The following ZNF143 variants were observed in gnomAD, a reference collection of about 807,000 sequenced individuals.
ZNF143 encodes zinc finger protein 143, also known as SPH-binding factor.
A neutral mutation model predicts 74.1 loss-of-function variants in ZNF143; 49 were observed. That is an observed-to-expected ratio of 0.66 (90% CI 0.53 to 0.84). The LOEUF is 0.84. ZNF143 is among the 40% of genes least tolerant of loss of function. The probability of loss-of-function intolerance (pLI) is 0.00; values close to 1 mark genes in which losing one functional copy is unlikely to be tolerated. For synonymous variants in ZNF143, 304 were observed against 282.8 expected (o/e 1.07, Z -0.75); for missense variants, 637 against 793.4 (o/e 0.80, Z 2.37).
In ZNF143 at chr11:9,496,297, T is replaced by C. The variant is rs377415816; in HGVS notation, c.766-6T>C. On this transcript the variant is annotated splice_region_variant and splice_polypyrimidine_tract_variant and intron_variant, in intron 8 of 15. Transcript: ENST00000396602. Reference sequence around the variant, plus strand: ...AAATAGAATCATGCCTGCATTTTAATCACAGGTCCATGAGAGGTCACACAC... The same window carrying C: ...AAATAGAATCATGCCTGCATTTTAACCACAGGTCCATGAGAGGTCACACAC... 76 of 1,613,842 alleles carry C rather than the reference T, an allele frequency of 4.7e-5. No homozygotes were observed. Among genetic ancestry groups the C allele is most frequent in the Non-Finnish European group, 6.1e-5 (72 of 1,179,840 alleles).
chr11:9,512,304 G>A, intron 12 of ZNF143, 144 bp from the exon 13 acceptor site: 1 of 964,748 alleles, frequency 1.0e-6, no homozygotes, highest in Non-Finnish European at 1.5e-6. Flanking sequence ...GAATTGGAAG[G>A]AGGTCCTGGA....
At chr11:9,490,822 T>G (rs1847744902) in intron 7 of ZNF143, among the ~76,000 whole-genome samples, 1 of 152,166 alleles carries the variant, frequency 6.6e-6, no homozygotes, top group African/African-American at 2.4e-5. Flanking sequence ...AGCCTTGACC[T>G]CCCAGGCTCA....
intron 7 of ZNF143, among the ~76,000 whole-genome samples, chr11:9,493,798 T>C (rs1344300535): frequency 6.6e-6 from 1 of 152,216 alleles, no homozygotes. Context: ...TAATTTCTAT[T>C]TTAAAAAGCC....
chr11:9,521,170 T>C (rs976151065), intron 14 of ZNF143, among the ~76,000 whole-genome samples: 3 of 152,150 alleles, frequency 2.0e-5, no homozygotes, highest in African/African-American at 7.2e-5. Context: ...GAGTCCATCA[T>C]TTACATCAGG....
chr11:9,472,375 C>A (rs1162692402), intron 2 of ZNF143, among the ~76,000 whole-genome samples: 4 of 152,172 alleles, frequency 2.6e-5, no homozygotes, highest in Non-Finnish European at 5.9e-5. Flanking sequence ...GCCTCAGCCT[C>A]CCAAGTAGCT....
chr11:9,525,299 C>G lies in ZNF143; in HGVS notation c.1746C>G (p.His582Gln). 6.2e-7 allele frequency: 1 copy of G among 1,614,186 alleles called. No individual in the cohort carries two copies. Among genetic ancestry groups the G allele is most frequent in the Non-Finnish European group, 8.5e-7 (1 of 1,180,034 alleles). Reference protein sequence around the residue: ...AFHTASSEMGHQQHSHHLVTT... With the variant: ...AFHTASSEMGQQQHSHHLVTT... ...ATACTGCCTCATCAGAAATGGGGCA[C>G]CAGCAGCATAGCCATCACTTAGTAA... The change falls in exon 15 of 16, where the codon CAC (histidine) becomes CAG (glutamine). Residue 582 changes from histidine to glutamine, a missense_variant. His to Gln is a conservative substitution (Grantham distance 24, BLOSUM62 0). Transcript: ENST00000396602.
chr11:9,502,899 C>T (rs939794389), intron 11 of ZNF143, among the ~76,000 whole-genome samples: 4 of 152,168 alleles, frequency 2.6e-5, no homozygotes, highest in East Asian at 1.9e-4. Flanking sequence ...GGCGCAATCT[C>T]GGCTCACTGC....
chr11:9,502,241 C>CTTT (rs1183629630), intron 11 of ZNF143, among the ~76,000 whole-genome samples: 818 of 56,930 alleles, frequency 0.014, 24 homozygotes, highest in Non-Finnish European at 0.016. Flanking sequence ...TGGCCATATT[C>CTTT]TTTTTTTTTT....
chr11:9,513,380 C>T (rs1047746100), intron 13 of ZNF143, among the ~76,000 whole-genome samples: 1 of 152,246 alleles, frequency 6.6e-6, no homozygotes, highest in African/African-American at 2.4e-5. Flanking sequence ...ACTAATTTCA[C>T]ACTATACTCT....
chr11:9,505,237 G>C lies in ZNF143; in HGVS notation c.1148-3382G>C, dbSNP rs1435262022. Reference sequence around the variant, plus strand: ...TCCACCCACCTTGGCCTCCCAAAGTGCTAGGATTACAGGCGTGAGCCACCA... The same window carrying C: ...TCCACCCACCTTGGCCTCCCAAAGTCCTAGGATTACAGGCGTGAGCCACCA... On this transcript the variant is annotated intron_variant, in intron 11 of 15. Transcript: ENST00000396602. 2.9e-5 allele frequency among the ~76,000 whole-genome samples: 4 copies of C among 136,698 alleles called. 1 individual carries two copies. The highest frequency in any genetic ancestry group is 1.0e-4 in the African/African-American group (4 of 39,904). The allele number at this position is 136,698 out of a possible 152,430, so 89.7% of individuals were successfully genotyped here.
chr11:9,489,878 A>G (rs1436992302), intron 7 of ZNF143, among the ~76,000 whole-genome samples: 1 of 152,202 alleles, frequency 6.6e-6, no homozygotes, highest in Admixed American at 6.6e-5. Flanking sequence ...CTACACTTGT[A>G]TATGTATTTA....
chr11:9,482,364 G>A (rs961479572), intron 7 of ZNF143, among the ~76,000 whole-genome samples: 4 of 149,592 alleles, frequency 2.7e-5, no homozygotes, highest in South Asian at 2.1e-4. Context: ...TCCGTCTCCC[G>A]GGTTCACGCC....
intron 7 of ZNF143, among the ~76,000 whole-genome samples, chr11:9,481,782 G>A (rs1847246939): frequency 6.6e-6 from 1 of 150,434 alleles, no homozygotes; most frequent in African/African-American, 2.4e-5. Flanking sequence ...CAGCTACTTG[G>A]GAAGCTGAGG....
chr11:9,496,222 G>T, intron 8 of ZNF143, 81 bp from the exon 9 acceptor site: 2 of 1,247,270 alleles, frequency 1.6e-6, no homozygotes, highest in Non-Finnish European at 2.3e-6. Context: ...TAGCAGTGTG[G>T]GAAAAAGTAG....
intron 6 of ZNF143, 79 bp from the exon 7 acceptor site, chr11:9,479,393 C>A: frequency 9.3e-7 from 1 of 1,077,654 alleles, no homozygotes; most frequent in Non-Finnish European, 1.3e-6. Context: ...TTGCAAGCTT[C>A]TCCCTGAACC....
At chr11:9,479,920 A>G (rs560573028) in intron 7 of ZNF143, among the ~76,000 whole-genome samples, 1 of 152,142 alleles carries the variant, frequency 6.6e-6, no homozygotes, top group African/African-American at 2.4e-5. Context: ...AATAATCCTC[A>G]CTGCTTTGCT....
chr11:9,521,433 A>C (rs891513962), intron 14 of ZNF143, among the ~76,000 whole-genome samples: 2 of 152,186 alleles, frequency 1.3e-5, no homozygotes, highest in Non-Finnish European at 2.9e-5. Context: ...TCATAAAACA[A>C]GTTGGGAAGT....
At chr11:9,475,452 A>T (rs1384963756) in intron 5 of ZNF143, among the ~76,000 whole-genome samples, 2 of 151,308 alleles carry the variant, frequency 1.3e-5, no homozygotes. Context: ...TTTCTGATTA[A>T]TTTTTTTTGT....
intron 7 of ZNF143, among the ~76,000 whole-genome samples, chr11:9,492,569 C>T (rs1847822408): frequency 1.3e-5 from 2 of 152,110 alleles, no homozygotes; most frequent in African/African-American, 4.8e-5. Context: ...TTTAAATTTA[C>T]CCATTTAGAG....
Sources: gnomAD v4.1 joint callset for allele counts (sites outside exome capture counted in the v4.1 genomes callset) on GRCh38, gnomAD v4.1.1 for gene constraint, MANE v1.5 for transcripts, NCBI Gene and HGNC (gene_info 2026-07-23, HGNC 2026-07-21) for gene names.